DIAPH2: variants seen among roughly 807,000 people sequenced by gnomAD.
DIAPH2 encodes the protein diaphanous related formin 2.
Under a neutral mutation model 92.7 loss-of-function variants are expected in DIAPH2, and 35 were observed. The ratio of observed to expected loss-of-function variants is 0.38; its 90% CI spans 0.29 to 0.50. The LOEUF is 0.50. Ranked by LOEUF, DIAPH2 falls within the 20% of genes least tolerant of loss-of-function variation. DIAPH2 has a pLI of 0.94. For synonymous variants in DIAPH2, 301 were observed against 280.4 expected (o/e 1.07, Z -0.73); for missense variants, 701 against 819.5 (o/e 0.86, Z 1.77).
chrX:96,747,994 T>A (rs944576102), intron 3 of DIAPH2, among the ~76,000 whole-genome samples: 1 of 111,771 alleles, frequency 8.9e-6, no homozygotes, highest in African/African-American at 3.3e-5. Flanking sequence ...CAGAAGCATT[T>A]CTAGACAACA....
intron 4 of DIAPH2, among the ~76,000 whole-genome samples, chrX:96,781,496 A>G (rs1034617581): frequency 7.2e-5 from 8 of 111,439 alleles, no homozygotes; most frequent in African/African-American, 2.6e-4. Flanking sequence ...TCCATTTTAT[A>G]TCCATATCTT....
intron 19 of DIAPH2, among the ~76,000 whole-genome samples, chrX:97,096,786 G>C (rs1281038112): frequency 4.5e-5 from 5 of 111,883 alleles, no homozygotes; most frequent in Non-Finnish European, 7.5e-5. Context: ...TGAATAGTCT[G>C]GGCCTGGAAT....
intron 21 of DIAPH2, among the ~76,000 whole-genome samples, chrX:97,139,903 G>A (rs2067198634): frequency 9.0e-6 from 1 of 110,656 alleles, no homozygotes; most frequent in Admixed American, 9.6e-5. Flanking sequence ...CTATTTTTCT[G>A]TTTTTATATT....
intron 23 of DIAPH2, among the ~76,000 whole-genome samples, chrX:97,286,134 G>A (rs759914242): frequency 6.7e-5 from 7 of 104,954 alleles, no homozygotes; most frequent in Admixed American, 3.2e-4. Context: ...TCTGCCTCCC[G>A]GGTTCAAGCA....
chrX:97,421,373 T>A (rs958478697), intron 25 of DIAPH2, among the ~76,000 whole-genome samples: 1 of 111,872 alleles, frequency 8.9e-6, no homozygotes, highest in African/African-American at 3.2e-5. Context: ...TTTCCTCTTC[T>A]TTAATAAATG....
intron 4 of DIAPH2, among the ~76,000 whole-genome samples, chrX:96,765,124 A>C (rs1395493235): frequency 2.8e-5 from 3 of 105,694 alleles, no homozygotes; most frequent in Non-Finnish European, 5.8e-5. Context: ...CTGTGGTTTC[A>C]TTTTCTGTTT....
intron 4 of DIAPH2, among the ~76,000 whole-genome samples, chrX:96,799,879 T>C (rs2064569340): frequency 9.1e-6 from 1 of 109,481 alleles, no homozygotes; most frequent in South Asian, 3.8e-4. Flanking sequence ...TATATAAGAT[T>C]ATATATAAAA....
chrX:96,854,599 A>ATATG (rs2065026438), intron 4 of DIAPH2, among the ~76,000 whole-genome samples: 1 of 6,744 alleles, frequency 1.5e-4, no homozygotes, highest in African/African-American at 8.9e-4. Flanking sequence ...TCTCTCTCTC[A>ATATG]TATATATATA....
At chrX:97,009,193 G>C (rs192754796) in intron 17 of DIAPH2, among the ~76,000 whole-genome samples, 6,490 of 110,445 alleles carry the variant, frequency 0.059, 474 homozygotes, top group African/African-American at 0.2. Context: ...GAGGTTCTCC[G>C]TGTGGCCATC....
intron 5 of DIAPH2, among the ~76,000 whole-genome samples, chrX:96,886,859 C>T (rs759211756): frequency 6.4e-5 from 7 of 110,180 alleles, no homozygotes; most frequent in East Asian, 2.9e-4. Context: ...CCAGTGGATG[C>T]GTAGCCACTT....
At chrX:97,038,488 AT>A (rs1263373521) in intron 17 of DIAPH2, among the ~76,000 whole-genome samples, 1 of 108,315 alleles carries the variant, frequency 9.2e-6, no homozygotes, top group Non-Finnish European at 1.9e-5. Flanking sequence ...GTGTAAAAGT[AT>A]TCCCTTTGTA....
chrX:97,171,344 G>A (rs1215128460), intron 22 of DIAPH2, among the ~76,000 whole-genome samples: 1 of 112,139 alleles, frequency 8.9e-6, no homozygotes, highest in Non-Finnish European at 1.9e-5. Flanking sequence ...ATTTCAATAT[G>A]TAATTATAGT....
At chrX:96,838,788 A>G (rs2147699291) in intron 4 of DIAPH2, among the ~76,000 whole-genome samples, 1 of 112,113 alleles carries the variant, frequency 8.9e-6, no homozygotes, top group Admixed American at 9.4e-5. Context: ...TCTGTGTGGA[A>G]ACCTGTGCAG....
At chrX:97,126,013 A>G (rs1009447772) in intron 21 of DIAPH2, among the ~76,000 whole-genome samples, 15 of 111,999 alleles carry the variant, frequency 1.3e-4, no homozygotes, top group African/African-American at 4.2e-4. Context: ...CTGTTTTCAT[A>G]GAGGATTTAA....
At chrX:96,708,054 G>A (rs1193740978) in intron 1 of DIAPH2, among the ~76,000 whole-genome samples, 2 of 110,983 alleles carry the variant, frequency 1.8e-5, no homozygotes, top group Admixed American at 1.9e-4. Flanking sequence ...GAGCAGACAT[G>A]TGCCATGTGG....
At chrX:97,026,373 A>G (rs1375879107) in intron 17 of DIAPH2, among the ~76,000 whole-genome samples, 1 of 112,368 alleles carries the variant, frequency 8.9e-6, no homozygotes, top group Non-Finnish European at 1.9e-5. Context: ...GAATGCATTA[A>G]CATATAATTG....
intron 25 of DIAPH2, among the ~76,000 whole-genome samples, chrX:97,388,530 G>GT (rs199940647): frequency 1.3e-4 from 14 of 108,028 alleles, no homozygotes; most frequent in East Asian, 8.7e-4. Flanking sequence ...CTTAGTTACT[G>GT]TTTTTTTTTC....
intron 4 of DIAPH2, among the ~76,000 whole-genome samples, chrX:96,821,092 C>T (rs530121283): frequency 2.7e-4 from 30 of 111,425 alleles, no homozygotes; most frequent in Middle Eastern, 9.2e-3. Context: ...ATAGGAGAAT[C>T]GATCACAGAG....
Position 96,912,491 on chromosome X carries a change from A to G in DIAPH2, c.671A>G (p.Asn224Ser), listed in dbSNP as rs1427311394. 2.5e-6 allele frequency: 3 copies of G among 1,203,927 alleles called. No individual in the cohort carries two copies. Among genetic ancestry groups the G allele is most frequent in the Non-Finnish European group, 3.4e-6 (3 of 891,708 alleles). ...ATTTTTCTTTTATTTAGGCAAGAAA[A>G]TATTGACAAGAAGAATCAGTATAAA... ...EKLLDKKQQE[N>S]IDKKNQYKLI... The change falls in exon 7 of 27, where the codon AAT becomes AGT. Residue 224 changes from asparagine to serine, a missense_variant. Coordinates refer to ENST00000324765, the MANE Select transcript of DIAPH2 (RefSeq NM_006729.5).
Sources: allele counts gnomAD v4.1 joint callset (sites outside exome capture counted in the v4.1 genomes callset), GRCh38; gene constraint gnomAD v4.1.1; transcripts MANE v1.5; gene names NCBI Gene and HGNC (gene_info 2026-07-23, HGNC 2026-07-21).